The following BCAS3 variants were observed in gnomAD, a reference collection of about 807,000 sequenced individuals.
The protein encoded by BCAS3 is BCAS4/BCAS3 fusion.
In BCAS3, 53 loss-of-function variants were observed where a neutral mutation model predicts 116.1. The observed-to-expected ratio is 0.46, with a 90% confidence interval of 0.37 to 0.57. The LOEUF is 0.57. BCAS3 is among the 20% of genes least tolerant of loss of function. The pLI, the probability that BCAS3 is intolerant of heterozygous loss-of-function variation, is 0.00. For missense variants in BCAS3, 917 were observed against 1,165.4 expected, an observed-to-expected ratio of 0.79 and a Z score of 3.10; for synonymous variants, 391 against 408.2, an observed-to-expected ratio of 0.96 and a Z score of 0.51.
At chr17:61,240,023 C>T (rs1178290621) in intron 22 of BCAS3, among the ~76,000 whole-genome samples, 1 of 152,098 alleles carries the variant, frequency 6.6e-6, no homozygotes, top group Non-Finnish European at 1.5e-5. Flanking sequence ...TCTGTGTGGG[C>T]ATTTACATTC....
At position 61,276,747 on chromosome 17, in the gene BCAS3, C is replaced by A. The variant is rs752752599; in HGVS notation, c.2426-91580C>A. On this transcript the variant is annotated intron_variant, in intron 22 of 23. Transcript: ENST00000407086. The surrounding 1 kb of genome is among the most constrained non-coding windows in gnomAD (Gnocchi z 4.2). ...TATAAATTCAAGGGTGCAGAAAAGC[C>A]GAAATAATCTTGAAAAAGAACAAAG... Among the ~76,000 whole-genome samples the A allele has an allele frequency of 2.0e-5, 3 of 151,962 alleles. No homozygotes were observed. The highest frequency in any genetic ancestry group is 4.4e-5 in the Non-Finnish European group (3 of 67,988).
At chr17:60,935,860 C>CT (rs963046969) in intron 13 of BCAS3, among the ~76,000 whole-genome samples, 105 of 144,744 alleles carry the variant, frequency 7.3e-4, no homozygotes, top group East Asian at 3.6e-3. Context: ...ACTCACTGAC[C>CT]TTTTTTTTTT....
intron 3 of BCAS3, among the ~76,000 whole-genome samples, chr17:60,688,455 A>G (rs991613852): frequency 2.6e-5 from 4 of 151,950 alleles, no homozygotes; most frequent in African/African-American, 9.7e-5. Context: ...GCATGCCACC[A>G]TGCCCAGATT....
intron 22 of BCAS3, among the ~76,000 whole-genome samples, chr17:61,152,824 G>A (rs1601603393): frequency 6.6e-6 from 1 of 152,226 alleles, no homozygotes; most frequent in East Asian, 1.9e-4. Context: ...TGAAAGATGT[G>A]CTTACCCCAA....
At chr17:60,826,649 A>T (rs2050455067) in intron 7 of BCAS3, among the ~76,000 whole-genome samples, 1 of 152,192 alleles carries the variant, frequency 6.6e-6, no homozygotes, top group South Asian at 2.1e-4. Context: ...CTCCCTAACC[A>T]TTTTACTACC....
At chr17:61,176,183 T>C (rs1354531146) in intron 22 of BCAS3, among the ~76,000 whole-genome samples, 1 of 149,192 alleles carries the variant, frequency 6.7e-6, no homozygotes, top group Non-Finnish European at 1.5e-5. Flanking sequence ...AGAAAAAATT[T>C]GGACAAATTT....
intron 6 of BCAS3, among the ~76,000 whole-genome samples, chr17:60,784,325 C>T (rs1410206991): frequency 5.8e-5 from 7 of 120,504 alleles, no homozygotes; most frequent in African/African-American, 1.3e-4. Context: ...TTTTTTGAGA[C>T]GGAGTCTCAC....
At chr17:60,752,144 A>G (rs1271173466) in intron 6 of BCAS3, among the ~76,000 whole-genome samples, 1 of 143,690 alleles carries the variant, frequency 7.0e-6, no homozygotes, top group African/African-American at 2.5e-5. Context: ...TATTACATGT[A>G]TTGGCTGAAG....
rs769704716 is a variant in BCAS3, at chr17:61,040,781, T to G, written c.1929-11T>G. 6.2e-7 allele frequency: 1 copy of G among 1,604,596 alleles called. No individual in the cohort carries two copies. Among genetic ancestry groups the G allele is most frequent in the Non-Finnish European group, 8.5e-7 (1 of 1,171,370 alleles). ...AGCTTAAATATTAATATTCTTCTCCTGTTTCCTTAGAACCCCTCAATGGAA... is the reference window on the plus strand; with the variant it reads ...AGCTTAAATATTAATATTCTTCTCCGGTTTCCTTAGAACCCCTCAATGGAA... On this transcript the variant is annotated splice_polypyrimidine_tract_variant and intron_variant, in intron 18 of 23. Transcript: ENST00000407086.
rs2061704611 is a variant in BCAS3, at chr17:60,967,169, C to T, written c.1221+19817C>T. On this transcript the variant is annotated intron_variant, in intron 14 of 23. Coordinates refer to ENST00000407086, the MANE Select transcript of BCAS3 (RefSeq NM_017679.5). This position sits in a 1 kb window ranked among gnomAD's most constrained non-coding sequence, Gnocchi z 4.7. Reference sequence around the variant, plus strand: ...TATACCTTGAAAAGCTTTCTTTTAGCACATCAGAGTTTTCTTGGTTCAGAT... The same window carrying T: ...TATACCTTGAAAAGCTTTCTTTTAGTACATCAGAGTTTTCTTGGTTCAGAT... 6.6e-6 allele frequency among the ~76,000 whole-genome samples: 1 copy of T among 152,116 alleles called. No homozygotes were observed. The highest frequency in any genetic ancestry group is 2.4e-5 in the African/African-American group (1 of 41,426).
chr17:60,966,072 T>A (rs76390383), intron 14 of BCAS3, among the ~76,000 whole-genome samples: 18 of 152,186 alleles, frequency 1.2e-4, no homozygotes, highest in Admixed American at 4.6e-4. Flanking sequence ...CCTTTATCAT[T>A]GTATAGTGTC....
chr17:60,844,975 A>C (rs2052368421), intron 7 of BCAS3, among the ~76,000 whole-genome samples: 1 of 152,248 alleles, frequency 6.6e-6, no homozygotes, highest in Admixed American at 6.5e-5. Flanking sequence ...TATGCCTATA[A>C]TCTCAGCACT....
intron 4 of BCAS3, among the ~76,000 whole-genome samples, chr17:60,691,999 G>A (rs1314439353): frequency 2.7e-5 from 4 of 150,078 alleles, no homozygotes; most frequent in Middle Eastern, 3.4e-3. Flanking sequence ...GCAGTGAGCC[G>A]AGAACATGCC....
At chr17:60,922,700 T>G (rs2059169267) in intron 12 of BCAS3, among the ~76,000 whole-genome samples, 1 of 152,216 alleles carries the variant, frequency 6.6e-6, no homozygotes, top group Non-Finnish European at 1.5e-5. Flanking sequence ...AACAGATGCT[T>G]GGCCATGAAA....
chr17:61,042,939 C>T (rs1568200489), intron 19 of BCAS3, among the ~76,000 whole-genome samples: 2 of 147,676 alleles, frequency 1.4e-5, no homozygotes, highest in Non-Finnish European at 1.5e-5. Context: ...ATCACTCTGG[C>T]AGCACTGCAG....
At chr17:61,360,983 T>C (rs543256062) in intron 22 of BCAS3, among the ~76,000 whole-genome samples, 131 of 152,332 alleles carry the variant, frequency 8.6e-4, no homozygotes, top group Non-Finnish European at 1.8e-3. Context: ...CTGACTGTTA[T>C]CTGGTTTGTA....
intron 9 of BCAS3, among the ~76,000 whole-genome samples, chr17:60,877,243 C>A (rs189352544): frequency 2.0e-5 from 3 of 151,898 alleles, no homozygotes; most frequent in South Asian, 2.1e-4. Context: ...TTCTATCTTA[C>A]AAGTCACATT....
intron 16 of BCAS3, among the ~76,000 whole-genome samples, chr17:61,033,321 A>G (rs1228929963): frequency 6.6e-6 from 1 of 152,108 alleles, no homozygotes; most frequent in Non-Finnish European, 1.5e-5. Context: ...GCCTATGAGT[A>G]TTTGCTTGCA....
chr17:61,176,751 G>T (rs957040734), intron 22 of BCAS3, among the ~76,000 whole-genome samples: 1 of 151,842 alleles, frequency 6.6e-6, no homozygotes, highest in Non-Finnish European at 1.5e-5. Flanking sequence ...TAGAGACAGG[G>T]TCCCACTGTA....
Sources: allele counts gnomAD v4.1 joint callset (sites outside exome capture counted in the v4.1 genomes callset), GRCh38; gene constraint gnomAD v4.1.1; non-coding constraint Gnocchi (gnomAD v3.1); transcripts MANE v1.5; gene names NCBI Gene and HGNC (gene_info 2026-07-23, HGNC 2026-07-21).